The following ALK variants were observed in gnomAD, a reference collection of about 807,000 sequenced individuals.
ALK encodes ALK receptor tyrosine kinase, also known as ALK tyrosine kinase receptor.
In ALK, 74 loss-of-function variants were observed where a neutral mutation model predicts 163.1. The observed-to-expected ratio is 0.45, with a 90% CI of 0.38 to 0.55. ALK has a LOEUF of 0.55. Among genes scored for constraint, ALK ranks in the 20% least tolerant of loss-of-function variants. The pLI, the probability that ALK is intolerant of heterozygous loss-of-function variation, is 0.00. For synonymous variants in ALK, 960 were observed against 843.2 expected, an observed-to-expected ratio of 1.14 and a Z score of -2.40; for missense variants, 2,063 against 2,105.3, an observed-to-expected ratio of 0.98 and a Z score of 0.39.
chr2:29,684,839 T>A (rs1363632928), intron 3 of ALK, among the ~76,000 whole-genome samples: 1 of 152,190 alleles, frequency 6.6e-6, no homozygotes, highest in Non-Finnish European at 1.5e-5. Flanking sequence ...AAACTGGAAT[T>A]GAATATCTGA....
intron 3 of ALK, among the ~76,000 whole-genome samples, chr2:29,646,614 C>T (rs530457283): frequency 6.6e-6 from 1 of 152,276 alleles, no homozygotes; most frequent in African/African-American, 2.4e-5. Flanking sequence ...TCTGCTCTAG[C>T]CACATGGTCG....
intron 9 of ALK, among the ~76,000 whole-genome samples, chr2:29,280,465 G>C (rs1319907979): frequency 6.6e-6 from 1 of 151,910 alleles, no homozygotes; most frequent in Non-Finnish European, 1.5e-5. Context: ...CCGGGGGTTA[G>C]TTCTAGTATG....
rs182329586 is a variant in ALK, at chr2:29,464,292, C to T, written c.1154+67623G>A. On this transcript the variant is annotated intron_variant, in intron 4 of 28. Coordinates refer to ENST00000389048, the MANE Select transcript of ALK (RefSeq NM_004304.5). ...GATCTTAGAACAGCTTATTATAAAC[C>T]TTATAAATATACTTACTAATATAAA... 6.5e-3 allele frequency among the ~76,000 whole-genome samples: 991 copies of T among 152,164 alleles called. 20 individuals carry two copies. The highest frequency in any genetic ancestry group is 0.022 in the African/African-American group (930 of 41,514).
At chr2:29,525,551 G>A (rs557254179) in intron 4 of ALK, among the ~76,000 whole-genome samples, 1 of 152,154 alleles carries the variant, frequency 6.6e-6, no homozygotes, top group East Asian at 1.9e-4. Context: ...CAGCACTTTG[G>A]GAGGCTGAGG....
At chr2:29,461,737 C>T (rs1190097960) in intron 4 of ALK, among the ~76,000 whole-genome samples, 2 of 152,162 alleles carry the variant, frequency 1.3e-5, no homozygotes, top group Admixed American at 6.5e-5. Flanking sequence ...TTCATTCCTG[C>T]TAACACAACA....
intron 1 of ALK, among the ~76,000 whole-genome samples, chr2:29,853,961 G>A (rs1293873039): frequency 6.6e-6 from 1 of 150,888 alleles, no homozygotes; most frequent in Admixed American, 6.6e-5. Context: ...CCAGGCTGGA[G>A]TGCAGTGGCA....
Position 29,528,712 on chromosome 2 carries a change from G to A in ALK, c.1154+3203C>T, listed in dbSNP as rs541249720. ...TGCCAATGATAGCCAGGCACTGTGC[G>A]AGCCATTTTCCATATGCCATTTCAC... On this transcript the variant is annotated intron_variant, in intron 4 of 28. Transcript: ENST00000389048. Among the ~76,000 whole-genome samples the A allele has an allele frequency of 3.9e-5, 6 of 152,208 alleles. No individual in the cohort carries two copies. The South Asian group carries it at 6.2e-4, about 16-fold the overall frequency.
At chr2:29,418,402 G>A (rs1360999396) in intron 4 of ALK, among the ~76,000 whole-genome samples, 5 of 152,072 alleles carry the variant, frequency 3.3e-5, no homozygotes, top group South Asian at 2.1e-4. Context: ...ACTTTATAAC[G>A]GATATGTATA....
At chr2:29,831,750 G>A (rs575319533) in intron 1 of ALK, among the ~76,000 whole-genome samples, 82 of 152,308 alleles carry the variant, frequency 5.4e-4, no homozygotes, top group African/African-American at 1.9e-3. Context: ...ATATACATAT[G>A]TGTCACTCTC....
intron 1 of ALK, among the ~76,000 whole-genome samples, chr2:29,795,871 T>A (rs1664295233): frequency 1.3e-5 from 2 of 152,184 alleles, no homozygotes; most frequent in Admixed American, 1.3e-4. Context: ...ATAATTAGCA[T>A]GACATTTTTA....
intron 23 of ALK, 115 bp from the exon 24 acceptor site, chr2:29,214,196 C>A (rs2148159901): frequency 1.2e-6 from 1 of 851,804 alleles, no homozygotes. Flanking sequence ...TGCAGCTACA[C>A]CAGGGGCCTC....
Position 29,193,829 on chromosome 2 carries a change from C to G in ALK, c.4258G>C (p.Gly1420Arg). ...KVPVRPKDPE[G>R]VPPLLVSQQA... ...TGAGAGACCAGGAGAGGAGGAACCC[C>G]CTCAGGGTCCTTGGGCCTCACAGGC... Residue 1420 changes from glycine (G) to arginine (R), a missense_variant, in exon 29 of 29, where the codon GGG becomes CGG. By Grantham distance (125) the Gly-to-Arg change is moderately radical. Transcript: ENST00000389048. The G allele has an allele frequency of 6.2e-7, 1 of 1,610,700 alleles. No homozygotes were observed. The highest frequency in any genetic ancestry group is 8.5e-7 in the Non-Finnish European group (1 of 1,178,612).
At chr2:29,747,786 T>A (rs938284946) in intron 1 of ALK, among the ~76,000 whole-genome samples, 7 of 152,210 alleles carry the variant, frequency 4.6e-5, no homozygotes, top group Non-Finnish European at 1.0e-4. Context: ...TACCTTTTCA[T>A]CTGCTTTTGA....
intron 1 of ALK, among the ~76,000 whole-genome samples, chr2:29,744,157 C>A (rs1361798682): frequency 3.3e-5 from 5 of 152,148 alleles, no homozygotes; most frequent in Non-Finnish European, 5.9e-5. Flanking sequence ...TTAATCCAAA[C>A]TCACCACACA....
Position 29,359,485 on chromosome 2 carries a change from G to A in ALK, c.1282+24247C>T, listed in dbSNP as rs1668338699. On this transcript the variant is annotated intron_variant, in intron 5 of 28. Coordinates refer to ENST00000389048, the MANE Select transcript of ALK (RefSeq NM_004304.5). ...CAGAAATCCTGTTCCTTCTTCACTG[G>A]GTGCTTTCTTAAGACTGGGCCAAGT... 2.0e-5 allele frequency among the ~76,000 whole-genome samples: 3 copies of A among 152,152 alleles called. No individual in the cohort carries two copies. The South Asian group carries it at 6.2e-4, about 32-fold the overall frequency.
At chr2:29,371,452 G>C (rs992408790) in intron 5 of ALK, among the ~76,000 whole-genome samples, 3 of 152,308 alleles carry the variant, frequency 2.0e-5, no homozygotes, top group Admixed American at 6.5e-5. Context: ...CTCTGTCCAG[G>C]GGTCTGGGTA....
rs1573203576 is a variant in ALK, at chr2:29,296,923, C to G, written c.1782G>C (p.Gln594His). ...CATCGAGGAGAGGCAACACCATCCA[C>G]TGCCACAGGCTCAAGCCTTCATAGG... ...VAAYEGLSLWQWMVLPLLDVS... is the reference protein window; with the variant it reads ...VAAYEGLSLWHWMVLPLLDVS... Residue 594 changes from glutamine to histidine, a missense_variant, in exon 9 of 29, where the codon CAG (glutamine) becomes CAC (histidine). This residue lies in a region of ALK where 987 missense variants were observed against 939.5 expected (regional missense o/e 1.05). Coordinates refer to ENST00000389048, the MANE Select transcript of ALK (RefSeq NM_004304.5). The G allele has an allele frequency of 6.2e-7, 1 of 1,614,224 alleles. No homozygotes were observed. The highest frequency in any genetic ancestry group is 8.5e-7 in the Non-Finnish European group (1 of 1,180,028).
chr2:29,340,808 G>T (rs903546071), intron 5 of ALK, among the ~76,000 whole-genome samples: 1 of 152,202 alleles, frequency 6.6e-6, no homozygotes, highest in African/African-American at 2.4e-5. Context: ...TACCTTCTCA[G>T]CAAGGCCTTC....
At chr2:29,373,513 T>C (rs2148294485) in intron 5 of ALK, among the ~76,000 whole-genome samples, 1 of 152,382 alleles carries the variant, frequency 6.6e-6, no homozygotes, top group East Asian at 1.9e-4. Context: ...TCATTCTTTA[T>C]TTATTTATAT....
Sources: gnomAD v4.1 joint callset for allele counts (sites outside exome capture counted in the v4.1 genomes callset) on GRCh38, gnomAD v4.1.1 for gene constraint, gnomAD v4.1.1 regional missense constraint, MANE v1.5 for transcripts, NCBI Gene and HGNC (gene_info 2026-07-23, HGNC 2026-07-21) for gene names.